Variants in SLC12A9 observed in about 807,000 individuals in gnomAD.
SLC12A9 encodes CCC-interacting protein 1.
A neutral mutation model predicts 66.0 loss-of-function variants in SLC12A9; 55 were observed. The ratio of observed to expected loss-of-function variants is 0.83; its 90% CI spans 0.67 to 1.04. SLC12A9 has a LOEUF of 1.04. SLC12A9 is among the 50% of genes least tolerant of loss of function. The pLI is 0.00. For missense variants in SLC12A9, 1,061 were observed against 1,241.9 expected, an observed-to-expected ratio of 0.85 and a Z score of 2.19; for synonymous variants, 577 against 569.0, an observed-to-expected ratio of 1.01 and a Z score of -0.20.
At chr7:100,862,894 C>T in intron 13 of SLC12A9, 67 bp downstream of exon 13, 1 of 1,588,276 alleles carries the variant, frequency 6.3e-7, no homozygotes, top group Non-Finnish European at 8.6e-7. Context: ...CGCTCCCCTC[C>T]CCTAGAGAGT....
rs535142957 is a variant in SLC12A9, at chr7:100,845,547, C to T, written n.229-14338C>T. Among the ~76,000 whole-genome samples, 127 of 152,028 alleles carry T rather than the reference C, an allele frequency of 8.4e-4. 1 individual carries two copies. The highest frequency in any genetic ancestry group is 1.5e-3 in the Non-Finnish European group (104 of 68,014). ...TGTATTTTTAGTAGAGACGGGGTTT[C>T]ACCATGTAAGCCAGGATGGTCTCGA... On this transcript the variant is annotated intron_variant and non_coding_transcript_variant, in intron 1 of 1. Transcript: ENST00000461016.
chr7:100,839,968 A>G (rs923655435), intron 1 of SLC12A9, among the ~76,000 whole-genome samples: 1 of 151,972 alleles, frequency 6.6e-6, no homozygotes. Context: ...AAAAAAAAGA[A>G]ACTTGCCCAC....
In SLC12A9 at chr7:100,861,211, C is replaced by T; in HGVS notation, c.1292C>T (p.Ala431Val). 6.2e-7 allele frequency: 1 copy of T among 1,614,218 alleles called. No homozygotes were observed. ...VTVFYLVAYA[A>V]VDLSCLSLEW... Reference sequence around the variant, plus strand: ...GTCTTCTACCTGGTGGCCTATGCTGCCGTGGACCTGTCCTGCCTGAGCCTG... The same window carrying T: ...GTCTTCTACCTGGTGGCCTATGCTGTCGTGGACCTGTCCTGCCTGAGCCTG... Residue 431 changes from alanine (A) to valine (V), a missense_variant, in exon 10 of 14, where the codon GCC (alanine) becomes GTC (valine). By Grantham distance (64) the Ala-to-Val change is moderately conservative (BLOSUM62 0). Coordinates refer to ENST00000354161, the MANE Select transcript of SLC12A9 (RefSeq NM_020246.4). This position sits in a 1 kb window ranked among gnomAD's most constrained non-coding sequence, Gnocchi z 5.3.
intron 1 of SLC12A9, among the ~76,000 whole-genome samples, chr7:100,833,932 CAAAAAAA>C (rs60667059): frequency 2.1e-4 from 13 of 63,074 alleles, no homozygotes; most frequent in South Asian, 4.5e-4. Context: ...GACTCTGTCT[CAAAAAAA>C]AAAAAAAAAA....
At position 100,866,397 on chromosome 7, in the gene SLC12A9, G is replaced by A; in HGVS notation, c.2537G>A (p.Gly846Glu). 6.5e-7 allele frequency: 1 copy of A among 1,535,940 alleles called. No individual in the cohort carries two copies. Among genetic ancestry groups the A allele is most frequent in the Non-Finnish European group, 8.8e-7 (1 of 1,139,120 alleles). Residue 846 changes from glycine (G) to glutamate (E), a missense_variant, in exon 14 of 14, where the codon GGG becomes GAG. Gly to Glu is a moderately conservative substitution (Grantham distance 98). Transcript: ENST00000354161. The surrounding 1 kb of genome is among the most constrained non-coding windows in gnomAD (Gnocchi z 7.3). ...SANALVRAQQ[G>E]RGTGGGPGGP... ...AACGCCCTGGTTCGGGCCCAGCAGGGGCGCGGCACAGGAGGAGGGCCGGGT... is the reference window on the plus strand; with the variant it reads ...AACGCCCTGGTTCGGGCCCAGCAGGAGCGCGGCACAGGAGGAGGGCCGGGT...
intron 1 of SLC12A9, among the ~76,000 whole-genome samples, chr7:100,844,119 C>T (rs1046363027): frequency 2.0e-5 from 3 of 152,186 alleles, no homozygotes; most frequent in Non-Finnish European, 4.4e-5. Context: ...GTAAGGACTT[C>T]AACTGACCTT....
intron 13 of SLC12A9, chr7:100,865,516 T>A: frequency 1.3e-6 from 2 of 1,538,214 alleles, no homozygotes; most frequent in Non-Finnish European, 8.7e-7. Flanking sequence ...ACTGAGATAA[T>A]AAAATAAATG....
Position 100,866,787 on chromosome 7 carries a change from C to T in SLC12A9, c.*182C>T. 1 of 597,588 alleles carries T rather than the reference C, an allele frequency of 1.7e-6. No individual in the cohort carries two copies. Among genetic ancestry groups the T allele is most frequent in the Non-Finnish European group, 2.7e-6 (1 of 364,800 alleles). The allele number at this position is 597,588 out of a possible 1,614,324, so 37.0% of individuals were successfully genotyped here. A position where few individuals can be genotyped will look rare whatever the true frequency, so the allele number is the denominator to read the frequency against. On this transcript the variant is annotated 3_prime_UTR_variant, in exon 14 of 14. Coordinates refer to ENST00000354161, the MANE Select transcript of SLC12A9 (RefSeq NM_020246.4). This position sits in a 1 kb window ranked among gnomAD's most constrained non-coding sequence, Gnocchi z 7.3. ...CGCCCACCTCCTTTGGCAGAGGGACCCCAGCACACTAACTCTGGGTGGCTG... is the reference window on the plus strand; with the variant it reads ...CGCCCACCTCCTTTGGCAGAGGGACTCCAGCACACTAACTCTGGGTGGCTG...
In SLC12A9 at chr7:100,835,740, T is replaced by A. The variant is rs180983068; in HGVS notation, n.228+8693T>A. On this transcript the variant is annotated intron_variant and non_coding_transcript_variant, in intron 1 of 1. Coordinates refer to the SLC12A9 transcript ENST00000461016. ...TTTCATGCAGACTTTCCCATCCTGC[T>A]CCCCTCCCTAGTGCTGGGGATAGAG... is the stretch of plus-strand genomic sequence containing the variant. Among the ~76,000 whole-genome samples, 61 of 152,116 alleles carry A rather than the reference T, an allele frequency of 4.0e-4. 1 individual carries two copies. Among genetic ancestry groups the A allele is most frequent in the Admixed American group, 2.9e-3 (45 of 15,284 alleles).
At chr7:100,842,961 C>T (rs1484852316) in intron 1 of SLC12A9, among the ~76,000 whole-genome samples, 2 of 152,270 alleles carry the variant, frequency 1.3e-5, no homozygotes, top group African/African-American at 4.8e-5. Flanking sequence ...TCTCCCAACA[C>T]TAAGTTCACT....
In SLC12A9 at chr7:100,866,912, C is replaced by A; in HGVS notation, c.*307C>A. ...GTGACTCTGGGCTACCTCAGTTTCC[C>A]CATTTTGGCCAGACTCACCGGCCCA... On this transcript the variant is annotated 3_prime_UTR_variant, in exon 14 of 14. Transcript: ENST00000354161. The surrounding 1 kb of genome is among the most constrained non-coding windows in gnomAD (Gnocchi z 7.3). 1 of 357,206 alleles carries A rather than the reference C, an allele frequency of 2.8e-6. No individual in the cohort carries two copies. The highest frequency in any genetic ancestry group is 5.0e-6 in the Non-Finnish European group (1 of 198,422). 22.1% of individuals were successfully genotyped at this position (357,206 alleles called of 1,614,324 possible). A position where few individuals can be genotyped will look rare whatever the true frequency, so the allele number is the denominator to read the frequency against.
intron 1 of SLC12A9, among the ~76,000 whole-genome samples, chr7:100,832,225 C>T (rs1453467965): frequency 6.6e-6 from 1 of 151,782 alleles, no homozygotes; most frequent in Admixed American, 6.6e-5. Flanking sequence ...AATAACTTAG[C>T]CAGGCACTGT....
At chr7:100,833,478 CAAAACAAAACAAAAAGCAAA>C in intron 1 of SLC12A9, among the ~76,000 whole-genome samples, 1 of 148,950 alleles carries the variant, frequency 6.7e-6, no homozygotes, top group Admixed American at 6.8e-5. Context: ...CAAAGCAAAG[CAAAACAAAACAAAAAGCAAA>C]AAAACAAAAC....
intron 1 of SLC12A9, among the ~76,000 whole-genome samples, chr7:100,839,120 G>A (rs1191885897): frequency 3.3e-5 from 5 of 152,016 alleles, no homozygotes; most frequent in South Asian, 2.1e-4. Context: ...TCAGGAGATC[G>A]AGACCATCCT....
chr7:100,833,456 G>A (rs898367596), intron 1 of SLC12A9, among the ~76,000 whole-genome samples: 6 of 151,750 alleles, frequency 4.0e-5, no homozygotes, highest in African/African-American at 7.3e-5. Context: ...GTGACAGAGC[G>A]AGACTCTGTC....
intron 9 of SLC12A9, chr7:100,860,847 C>G: frequency 4.0e-6 from 2 of 495,178 alleles, no homozygotes; most frequent in East Asian, 4.5e-5. Context: ...TGGGGGTACA[C>G]TGGCACTTTC....
At chr7:100,835,992 G>A (rs1813649876) in intron 1 of SLC12A9, among the ~76,000 whole-genome samples, 1 of 152,198 alleles carries the variant, frequency 6.6e-6, no homozygotes, top group East Asian at 1.9e-4. Flanking sequence ...TAGTGGGAGG[G>A]TTGGGGAGAG....
chr7:100,845,118 T>C lies in SLC12A9; in HGVS notation n.229-14767T>C, dbSNP rs186658135. ...ATTGGACAATACTGTATAGCAAAAG[T>C]GGAGAAGGACTTCATCCTTCCTGTA... On this transcript the variant is annotated intron_variant and non_coding_transcript_variant, in intron 1 of 1. Transcript: ENST00000461016. Among the ~76,000 whole-genome samples, 23 of 151,706 alleles carry C rather than the reference T, an allele frequency of 1.5e-4. No individual in the cohort carries two copies. In the East Asian group the frequency reaches 4.1e-3, roughly 27 times the overall value.
At position 100,854,182 on chromosome 7, in the gene SLC12A9, C is replaced by G; in HGVS notation, c.-16C>G. On this transcript the variant is annotated 5_prime_UTR_variant, in exon 2 of 14. Transcript: ENST00000354161. ...TCACCTAACCCATTTGTGGCTTCCT[C>G]TACCTGTGCTCAGCCATGGCCAGCG... 6.5e-7 allele frequency: 1 copy of G among 1,549,050 alleles called. No homozygotes were observed. Among genetic ancestry groups the G allele is most frequent in the Non-Finnish European group, 8.6e-7 (1 of 1,158,612 alleles).
Sources: gnomAD v4.1 joint callset for allele counts (sites outside exome capture counted in the v4.1 genomes callset) on GRCh38, gnomAD v4.1.1 for gene constraint, Gnocchi (gnomAD v3.1) non-coding constraint, MANE v1.5 for transcripts, NCBI Gene and HGNC (gene_info 2026-07-23, HGNC 2026-07-21) for gene names.